Variants in ZNF600 observed in about 807,000 individuals in gnomAD.
ZNF600 encodes the protein zinc finger protein KR-ZNF1.
A neutral mutation model predicts 7.3 loss-of-function variants in ZNF600; 4 were observed. That is an observed-to-expected ratio of 0.55 (90% CI 0.27 to 1.25). The LOEUF is 1.25. Among genes scored for constraint, ZNF600 ranks in the 50% most tolerant of loss-of-function variants. ZNF600 has a pLI of 0.12. For missense variants in ZNF600, 911 were observed against 922.1 expected, an observed-to-expected ratio of 0.99 and a Z score of 0.16; for synonymous variants, 290 against 308.9, an observed-to-expected ratio of 0.94 and a Z score of 0.64.
rs756602213 is a variant in ZNF600, at chr19:52,766,372, T to C, written c.1591A>G (p.Ile531Val). Reference sequence around the variant, plus strand: ...TATGGTTTCTCTCCGGTGTGAATTATCTTATGTGTCTCAAGGGTTGATCCA... The same window carrying C: ...TATGGTTTCTCTCCGGTGTGAATTACCTTATGTGTCTCAAGGGTTGATCCA... The change falls in exon 4 of 4, where the codon ATA becomes GTA. Residue 531 changes from isoleucine to valine, a missense_variant. By Grantham distance (29) the Ile-to-Val change is conservative. Coordinates refer to ENST00000648973, the Ensembl canonical transcript of ZNF600. The C allele has an allele frequency of 7.4e-6, 12 of 1,614,060 alleles. No homozygotes were observed. The Admixed American group carries it at 1.3e-4, about 18-fold the overall frequency.
the ZNF600 span, chr19:52,801,182 G>T: frequency 2.5e-4 from 406 of 1,614,082 alleles, no homozygotes; most frequent in African/African-American, 5.0e-3. Flanking sequence ...TAAAGGATTT[G>T]CCACTCTCAA....
the ZNF600 span, among the ~76,000 whole-genome samples, chr19:52,816,731 T>G: frequency 2.8e-4 from 28 of 99,096 alleles, no homozygotes; most frequent in Non-Finnish European, 5.3e-4. Context: ...ACTAGGTGGG[T>G]TGAGACAGAG....
At chr19:52,766,466 T>C in exon 4 of ZNF600, 2 of 1,614,106 alleles carry the variant, frequency 1.2e-6, no homozygotes, top group Non-Finnish European at 1.7e-6. Context: ...ACTTATGAAT[T>C]AGAAGATCTG....
At chr19:52,816,688 T>C in the ZNF600 span, among the ~76,000 whole-genome samples, 1 of 120,162 alleles carries the variant, frequency 8.3e-6, no homozygotes, top group African/African-American at 4.0e-5. Flanking sequence ...AAAAATTAGT[T>C]GGGGATGGTG....
At chr19:52,792,395 T>C in the ZNF600 span, among the ~76,000 whole-genome samples, 6 of 152,102 alleles carry the variant, frequency 3.9e-5, no homozygotes, top group Admixed American at 3.3e-4. Flanking sequence ...CATAGATGCA[T>C]GTCTGAGTGC....
At chr19:52,813,731 CAGA>C in the ZNF600 span, among the ~76,000 whole-genome samples, 1 of 145,944 alleles carries the variant, frequency 6.9e-6, no homozygotes, top group Non-Finnish European at 1.5e-5. Flanking sequence ...TTTCTGCAGC[CAGA>C]AGATCTCCGT....
the ZNF600 span, chr19:52,798,697 T>C: frequency 2.2e-6 from 1 of 452,500 alleles, no homozygotes; most frequent in Admixed American, 2.6e-5. Flanking sequence ...AAGGTTTCTC[T>C]CCAGCATGAG....
upstream of ZNF600, among the ~76,000 whole-genome samples, chr19:52,791,663 C>T (rs1055310936): frequency 5.3e-5 from 8 of 152,198 alleles, no homozygotes; most frequent in African/African-American, 1.9e-4. Flanking sequence ...GGAGACGTCA[C>T]CCTCTGGAAA....
the ZNF600 span, among the ~76,000 whole-genome samples, chr19:52,823,368 C>T: frequency 6.6e-6 from 1 of 152,076 alleles, no homozygotes. Flanking sequence ...CACACGCCAC[C>T]ATGCCTGGCT....
the ZNF600 span, among the ~76,000 whole-genome samples, chr19:52,792,720 TTTTATTTA>T: frequency 6.6e-6 from 1 of 151,774 alleles, no homozygotes; most frequent in African/African-American, 2.4e-5. Context: ...TCAATCCTCT[TTTTATTTA>T]TTTATTTATT....
Position 52,767,290 on chromosome 19 carries a change from A to G in ZNF600, c.673T>C (p.Tyr225His), listed in dbSNP as rs75493853. The change falls in exon 4 of 4, where the codon TAC becomes CAC. Residue 225 changes from tyrosine (Y) to histidine (H), a missense_variant. By Grantham distance (83) the Tyr-to-His change is moderately conservative. Transcript: ENST00000648973. Reference sequence around the variant, plus strand: ...CATTGGAAAGATTTTTCTCTCATGTATACTTCCTGTTTTTGTGGGAGTAGT... The same window carrying G: ...CATTGGAAAGATTTTTCTCTCATGTGTACTTCCTGTTTTTGTGGGAGTAGT... The G allele has an allele frequency of 7.2e-3, 11,641 of 1,614,122 alleles. 534 individuals are homozygous for G. The African/African-American group carries it at 0.11, about 16-fold the overall frequency.
chr19:52,772,547 G>A (rs1306030259), intron 3 of ZNF600, among the ~76,000 whole-genome samples: 3 of 152,174 alleles, frequency 2.0e-5, no homozygotes, highest in African/African-American at 7.2e-5. Flanking sequence ...AGGTTGTGGT[G>A]AACTGAGATT....
upstream of ZNF600, among the ~76,000 whole-genome samples, chr19:52,789,950 T>C: frequency 6.6e-6 from 1 of 152,032 alleles, no homozygotes; most frequent in East Asian, 1.9e-4. Flanking sequence ...AGGGGGTTTG[T>C]TCCCTGGTGG....
At chr19:52,768,673 G>A (rs2062608341) in intron 3 of ZNF600, among the ~76,000 whole-genome samples, 2 of 151,910 alleles carry the variant, frequency 1.3e-5, no homozygotes, top group Admixed American at 1.3e-4. Flanking sequence ...ATCCTCCTGA[G>A]TACCTGGGGT....
upstream of ZNF600, among the ~76,000 whole-genome samples, chr19:52,787,451 G>C (rs929968531): frequency 1.5e-4 from 21 of 139,000 alleles, no homozygotes; most frequent in Admixed American, 3.0e-4. Context: ...GTGTCGCCCA[G>C]GCTGGAGTGC....
intron 2 of ZNF600, among the ~76,000 whole-genome samples, chr19:52,775,108 C>T (rs1320716434): frequency 6.6e-6 from 1 of 152,018 alleles, no homozygotes; most frequent in Admixed American, 6.6e-5. Context: ...GGCATGGTGG[C>T]AGGCACCTGT....
At chr19:52,796,827 TTGAG>T in the ZNF600 span, among the ~76,000 whole-genome samples, 2 of 152,220 alleles carry the variant, frequency 1.3e-5, no homozygotes, top group African/African-American at 4.8e-5. Flanking sequence ...ATTGCTTTGA[TTGAG>T]TCTCTTTTCA....
intron 3 of ZNF600, among the ~76,000 whole-genome samples, chr19:52,773,587 C>T (rs1375940260): frequency 6.6e-6 from 1 of 152,060 alleles, no homozygotes; most frequent in Non-Finnish European, 1.5e-5. Flanking sequence ...GAAAACAGAG[C>T]CAGGCTGAGT....
chr19:52,818,661 C>T, the ZNF600 span, among the ~76,000 whole-genome samples: 4 of 151,926 alleles, frequency 2.6e-5, no homozygotes, highest in African/African-American at 7.3e-5. Context: ...GACCCAAGAT[C>T]GCGCCACTCC....
Sources: gnomAD v4.1 joint callset for allele counts (sites outside exome capture counted in the v4.1 genomes callset) on GRCh38, gnomAD v4.1.1 for gene constraint, MANE v1.5 for transcripts, NCBI Gene and HGNC (gene_info 2026-07-23, HGNC 2026-07-21) for gene names.